The following CERKL variants were observed in gnomAD, a reference collection of about 807,000 sequenced individuals.
CERKL encodes ceramide kinase-like protein.
CERKL carries 61 observed loss-of-function variants against 63.4 expected under a neutral mutation model. The observed-to-expected ratio is 0.96, with a 90% CI of 0.78 to 1.19. The LOEUF (loss-of-function observed/expected upper bound fraction) is 1.19. CERKL is among the 50% of genes most tolerant of loss of function. The pLI is 0.00. For missense variants in CERKL, 675 were observed against 655.5 expected (o/e 1.03, Z -0.33); for synonymous variants, 250 against 230.5 (o/e 1.08, Z -0.77).
intron 3 of CERKL, among the ~76,000 whole-genome samples, chr2:181,571,574 T>A (rs1228499861): frequency 1.3e-5 from 2 of 151,614 alleles, no homozygotes; most frequent in Non-Finnish European, 2.9e-5. Flanking sequence ...AACAGTATGA[T>A]AAAAAAAAAT....
At chr2:181,586,335 T>C (rs1684764671) in intron 2 of CERKL, among the ~76,000 whole-genome samples, 1 of 152,090 alleles carries the variant, frequency 6.6e-6, no homozygotes, top group Non-Finnish European at 1.5e-5. Flanking sequence ...TTTAAAATGC[T>C]CCAACACAAG....
At chr2:181,605,143 C>G (rs908623570) in intron 1 of CERKL, among the ~76,000 whole-genome samples, 1 of 152,182 alleles carries the variant, frequency 6.6e-6, no homozygotes, top group Non-Finnish European at 1.5e-5. Context: ...AGGAGGAAAA[C>G]AAAGTGGACC....
In CERKL at chr2:181,548,790, T is replaced by G; in HGVS notation, c.963A>C (p.Ser321=). ...TAGKLLRFGF[S]AMFGFGGRTL... is the part of the protein sequence containing the mutation. The stretch of plus-strand genomic sequence containing the variant: ...TTCTTCCACCAAAGCCAAACATGGC[T>G]GAGAACCCAAAGCGAAGAAGCTTGC... Residue 321 remains serine (S), a synonymous_variant, in exon 7 of 13, where the codon TCA becomes TCC. Transcript: ENST00000410087. The G allele has an allele frequency of 6.2e-7, 1 of 1,614,020 alleles. No individual in the cohort carries two copies.
At chr2:181,615,387 T>C (rs1374946588) in intron 1 of CERKL, among the ~76,000 whole-genome samples, 5 of 152,256 alleles carry the variant, frequency 3.3e-5, no homozygotes, top group Non-Finnish European at 7.3e-5. Flanking sequence ...AAAATATTAC[T>C]GTAAGCCTCG....
At chr2:181,556,516 G>C (rs1047734043) in intron 5 of CERKL, among the ~76,000 whole-genome samples, 6 of 151,814 alleles carry the variant, frequency 4.0e-5, no homozygotes, top group African/African-American at 9.7e-5. Context: ...TCCTTGTGAT[G>C]GTTTGCTGAG....
rs1261570907 is a variant in CERKL at position 181,547,908 on chromosome 2, C to CACACACACACACAT, written c.1134-62_1134-61insATGTGTGTGTGTGT. ...GATAACGCGCGCACAGACACACAGA[C>CACACACACACACAT]ACACACAAATCTATTAAATATGAGA... is the stretch of plus-strand genomic sequence containing the variant. On this transcript the variant is annotated intron_variant, in intron 8 of 12. Transcript: ENST00000410087. 6 of 1,475,570 alleles carry CACACACACACACAT rather than the reference C, an allele frequency of 4.1e-6. No homozygotes were observed. The African/African-American group carries it at 8.4e-5, about 21-fold the overall frequency. 91.4% of individuals were successfully genotyped at this position (1,475,570 alleles called of 1,614,324 possible).
At chr2:181,638,164 A>G (rs2119517) in intron 1 of CERKL, among the ~76,000 whole-genome samples, 2 of 152,184 alleles carry the variant, frequency 1.3e-5, no homozygotes, top group African/African-American at 2.4e-5. Flanking sequence ...ACAAAACAAA[A>G]AAACCCAACA....
In CERKL at chr2:181,558,664, T is replaced by C; in HGVS notation, c.722A>G (p.His241Arg). ...CTTCTGAGCTCTCAGAAGCAAAGCA[T>C]GGGCTACTTCGCTAGCAGATCCATC... is the stretch of plus-strand genomic sequence containing the variant. ...GGDGSASEVA[H>R]ALLLRAQKNA... Residue 241 changes from histidine to arginine, a missense_variant, in exon 5 of 13, where the codon CAT (histidine) becomes CGT (arginine). Coordinates refer to ENST00000410087, the MANE Select transcript of CERKL (RefSeq NM_201548.5). The surrounding 1 kb of genome is among the most constrained non-coding windows in gnomAD (Gnocchi z 4.2). 6.2e-7 allele frequency: 1 copy of C among 1,613,694 alleles called. No individual in the cohort carries two copies. Among genetic ancestry groups the C allele is most frequent in the Non-Finnish European group, 8.5e-7 (1 of 1,179,784 alleles).
chr2:181,586,600 C>T (rs1424798163), intron 2 of CERKL, among the ~76,000 whole-genome samples: 1 of 152,148 alleles, frequency 6.6e-6, no homozygotes, highest in South Asian at 2.1e-4. Flanking sequence ...GGTAACTTCC[C>T]AATTCATACT....
intron 4 of CERKL, among the ~76,000 whole-genome samples, chr2:181,564,491 C>A (rs1358926988): frequency 6.6e-6 from 1 of 152,042 alleles, no homozygotes. Context: ...ACAACACCTG[C>A]CATGAAAAAT....
rs1279266444 is a variant in CERKL, at chr2:181,537,706, C to T, written c.*478G>A. On this transcript the variant is annotated 3_prime_UTR_variant, in exon 13 of 13. Transcript: ENST00000410087. ...AAATATTGATGTATTATGATGGTTG[C>T]AAAGTTTTTTTGTGTGTCCAATAAA... 1.2e-5 allele frequency: 5 copies of T among 423,996 alleles called. No homozygotes were observed. The East Asian group carries it at 2.9e-4, about 24-fold the overall frequency. The allele number at this position is 423,996 out of a possible 1,614,324, so 26.3% of individuals were successfully genotyped here.
chr2:181,608,150 G>A (rs1685797238), intron 1 of CERKL, among the ~76,000 whole-genome samples: 1 of 151,674 alleles, frequency 6.6e-6, no homozygotes, highest in Non-Finnish European at 1.5e-5. Flanking sequence ...GACCACAGGT[G>A]TGCATCATCA....
chr2:181,556,281 T>C (rs1227348909), intron 5 of CERKL, among the ~76,000 whole-genome samples: 1 of 151,998 alleles, frequency 6.6e-6, no homozygotes, highest in East Asian at 1.9e-4. Context: ...CTAGGGTACA[T>C]GTGCACAATG....
In CERKL at chr2:181,566,079, C is replaced by G. The variant is rs371437331; in HGVS notation, c.656G>C (p.Cys219Ser). The stretch of plus-strand genomic sequence containing the variant: ...CTACCCATCAAATCCCTGGAGTTCA[C>G]ATTCCTTAAGCAGTGACAGAGCGTG... ...EGHALSLLKECELQGFDGVVC... is the reference protein window; with the variant it reads ...EGHALSLLKESELQGFDGVVC... Residue 219 changes from cysteine to serine, a missense_variant, in exon 4 of 13, where the codon TGT (cysteine) becomes TCT (serine). Cys to Ser is a moderately radical substitution (Grantham distance 112). Transcript: ENST00000410087. 2 of 1,609,546 alleles carry G rather than the reference C, an allele frequency of 1.2e-6. No homozygotes were observed. The highest frequency in any genetic ancestry group is 2.7e-5 in the African/African-American group (2 of 74,754).
chr2:181,577,830 A>G (rs1282305099), intron 2 of CERKL, among the ~76,000 whole-genome samples: 7 of 152,126 alleles, frequency 4.6e-5, no homozygotes, highest in Admixed American at 3.9e-4. Flanking sequence ...TAGAGCTCTA[A>G]GAACTTGTCT....
At chr2:181,572,544 T>A (rs1197226783) in intron 3 of CERKL, among the ~76,000 whole-genome samples, 3 of 152,134 alleles carry the variant, frequency 2.0e-5, no homozygotes, top group Non-Finnish European at 4.4e-5. Flanking sequence ...AATCTCAAAC[T>A]TTTCCTTCAG....
intron 2 of CERKL, among the ~76,000 whole-genome samples, chr2:181,574,872 T>C (rs1689060598): frequency 6.6e-6 from 1 of 152,186 alleles, no homozygotes; most frequent in South Asian, 2.1e-4. Flanking sequence ...TACAATAAAG[T>C]ATTTCAACAG....
At chr2:181,655,540 A>G (rs190992442) in intron 1 of CERKL, among the ~76,000 whole-genome samples, 1 of 152,360 alleles carries the variant, frequency 6.6e-6, no homozygotes, top group East Asian at 1.9e-4. Context: ...ACACCTGAAA[A>G]CACTTTAAGG....
chr2:181,607,760 GTCCTGAAAAA>G (rs1685779411), intron 1 of CERKL, among the ~76,000 whole-genome samples: 1 of 152,120 alleles, frequency 6.6e-6, no homozygotes, highest in African/African-American at 2.4e-5. Flanking sequence ...CTTACCAAAG[GTCCTGAAAAA>G]TCCTCACCCT....
Sources: allele counts gnomAD v4.1 joint callset (sites outside exome capture counted in the v4.1 genomes callset), GRCh38; gene constraint gnomAD v4.1.1; non-coding constraint Gnocchi (gnomAD v3.1); transcripts MANE v1.5; gene names NCBI Gene and HGNC (gene_info 2026-07-23, HGNC 2026-07-21).